Variants in ST18 observed in about 807,000 individuals in gnomAD.
ST18 encodes the protein ST18 C2H2C-type zinc finger transcription factor.
ST18 carries 50 observed loss-of-function variants against 110.0 expected under a neutral mutation model. The ratio of observed to expected loss-of-function variants is 0.45; its 90% CI spans 0.36 to 0.58. The LOEUF is 0.58. Ranked by LOEUF, ST18 falls within the 20% of genes least tolerant of loss-of-function variation. The pLI, the probability that ST18 is intolerant of heterozygous loss-of-function variation, is 0.00. For synonymous variants in ST18, 461 were observed against 452.4 expected (o/e 1.02, Z -0.24); for missense variants, 1,306 against 1,280.1 (o/e 1.02, Z -0.31).
At chr8:52,291,516 C>T (rs936547307) in intron 2 of ST18, among the ~76,000 whole-genome samples, 1 of 152,164 alleles carries the variant, frequency 6.6e-6, no homozygotes, top group African/African-American at 2.4e-5. Context: ...TTTTGCAGAA[C>T]CAATTTAAGG....
At chr8:52,375,764 A>G (rs1204924988) in intron 2 of ST18, among the ~76,000 whole-genome samples, 1 of 152,100 alleles carries the variant, frequency 6.6e-6, no homozygotes, top group Non-Finnish European at 1.5e-5. Flanking sequence ...CCTATTTGGT[A>G]TCTCCACTAG....
intron 8 of ST18, among the ~76,000 whole-genome samples, chr8:52,211,152 T>TA (rs1219396667): frequency 1.3e-5 from 2 of 152,100 alleles, no homozygotes; most frequent in Non-Finnish European, 2.9e-5. Flanking sequence ...GTTTCTTCTT[T>TA]AAAAAATGTA....
intron 2 of ST18, among the ~76,000 whole-genome samples, chr8:52,292,862 T>A (rs890619380): frequency 1.3e-5 from 2 of 152,212 alleles, no homozygotes; most frequent in African/African-American, 2.4e-5. Flanking sequence ...TTCGGTCTCC[T>A]CCCTTCCAAT....
intron 8 of ST18, among the ~76,000 whole-genome samples, chr8:52,199,975 A>G (rs762929403): frequency 1.3e-4 from 20 of 152,236 alleles, no homozygotes; most frequent in Non-Finnish European, 4.4e-5. Flanking sequence ...TCGTATAGGA[A>G]TTACCGCAAT....
chr8:52,324,810 T>C (rs2139969525), intron 2 of ST18, among the ~76,000 whole-genome samples: 1 of 152,342 alleles, frequency 6.6e-6, no homozygotes, highest in Middle Eastern at 3.4e-3. Context: ...TGAAGTTCTA[T>C]TTTTATGGCA....
intron 2 of ST18, among the ~76,000 whole-genome samples, chr8:52,365,933 T>C (rs1423091453): frequency 1.3e-5 from 2 of 151,852 alleles, no homozygotes; most frequent in Non-Finnish European, 2.9e-5. Flanking sequence ...ACTCCTAACT[T>C]CAATCAATTC....
At chr8:52,131,260 G>C (rs1296399369) in intron 22 of ST18, among the ~76,000 whole-genome samples, 1 of 152,198 alleles carries the variant, frequency 6.6e-6, no homozygotes, top group Non-Finnish European at 1.5e-5. Context: ...TGGCCCAAAA[G>C]ACAAGACAGG....
chr8:52,209,274 G>A (rs921368229), intron 8 of ST18, among the ~76,000 whole-genome samples: 17 of 152,210 alleles, frequency 1.1e-4, no homozygotes, highest in Non-Finnish European at 2.5e-4. Flanking sequence ...TCTGGTGGGT[G>A]AGAAGCTGGC....
chr8:52,193,860 GTTTACCGAGCTACAGTGTGTCCAA>G (rs1324114493), intron 8 of ST18, among the ~76,000 whole-genome samples: 1 of 152,172 alleles, frequency 6.6e-6, no homozygotes. Context: ...CCACACTCAT[GTTTACCGAGCTACAGTGTGTCCAA>G]CAGTTAAACC....
chr8:52,159,264 T>C (rs1191962576), intron 14 of ST18, among the ~76,000 whole-genome samples, 155 bp from the exon 15 acceptor site: 2 of 152,206 alleles, frequency 1.3e-5, no homozygotes, highest in Non-Finnish European at 2.9e-5. Flanking sequence ...ATGAAGGTTA[T>C]CCAGACCGGT....
At chr8:52,350,620 T>G (rs375398733) in intron 2 of ST18, among the ~76,000 whole-genome samples, 1 of 152,148 alleles carries the variant, frequency 6.6e-6, no homozygotes, top group African/African-American at 2.4e-5. Context: ...ACCCTGTATG[T>G]TCCCAGACAG....
At chr8:52,223,093 C>T (rs566424419) in intron 3 of ST18, among the ~76,000 whole-genome samples, 12 of 152,272 alleles carry the variant, frequency 7.9e-5, no homozygotes, top group South Asian at 4.2e-4. Flanking sequence ...AAAGTCATCA[C>T]GAAGGACTAC....
chr8:52,266,587 G>A (rs55914733), intron 2 of ST18, among the ~76,000 whole-genome samples: 8,156 of 150,094 alleles, frequency 0.054, 763 homozygotes, highest in African/African-American at 0.19. Context: ...TGTTGCCCAG[G>A]CTGGAGTGCA....
intron 2 of ST18, among the ~76,000 whole-genome samples, chr8:52,369,049 T>TA (rs1235437307): frequency 1.3e-5 from 2 of 151,956 alleles, no homozygotes; most frequent in South Asian, 2.1e-4. Flanking sequence ...TCACGTTTGC[T>TA]AAAAAAAGGA....
chr8:52,118,681 G>A (rs1014697026), intron 23 of ST18, among the ~76,000 whole-genome samples: 6 of 152,134 alleles, frequency 3.9e-5, no homozygotes, highest in African/African-American at 1.4e-4. Context: ...TTATGTCCCA[G>A]GGGTGCTGCC....
chr8:52,200,097 C>T (rs2077455246), intron 8 of ST18, among the ~76,000 whole-genome samples: 1 of 151,922 alleles, frequency 6.6e-6, no homozygotes, highest in African/African-American at 2.4e-5. Flanking sequence ...TTTTTATTAG[C>T]TCCTATAATG....
At chr8:52,383,049 C>A (rs981531110) in intron 2 of ST18, among the ~76,000 whole-genome samples, 3 of 152,120 alleles carry the variant, frequency 2.0e-5, no homozygotes, top group African/African-American at 7.2e-5. Flanking sequence ...TCTTCTTCTT[C>A]TCTTCTTCTT....
intron 2 of ST18, among the ~76,000 whole-genome samples, chr8:52,307,852 GA>G (rs1199647146): frequency 2.6e-5 from 4 of 152,118 alleles, no homozygotes; most frequent in African/African-American, 9.7e-5. Flanking sequence ...CGTATAACTT[GA>G]TTGACTACTC....
intron 2 of ST18, among the ~76,000 whole-genome samples, chr8:52,338,309 C>T (rs950020257): frequency 3.3e-5 from 5 of 151,844 alleles, no homozygotes; most frequent in Admixed American, 6.6e-5. Flanking sequence ...CCGCCCACCT[C>T]GGCCTCCCAA....
Sources: gnomAD v4.1 joint callset for allele counts (sites outside exome capture counted in the v4.1 genomes callset) on GRCh38, gnomAD v4.1.1 for gene constraint, MANE v1.5 for transcripts, NCBI Gene and HGNC (gene_info 2026-07-23, HGNC 2026-07-21) for gene names.